The following GLG1 variants were observed in gnomAD, a reference collection of about 807,000 sequenced individuals.
GLG1 encodes golgi glycoprotein 1.
A neutral mutation model predicts 160.5 loss-of-function variants in GLG1; 38 were observed. That is an observed-to-expected ratio of 0.24 (90% CI 0.18 to 0.31). GLG1 has a LOEUF of 0.31. Among genes scored for constraint, GLG1 ranks in the 10% least tolerant of loss-of-function variants. GLG1 has a pLI of 1.00. For synonymous variants in GLG1, 644 were observed against 543.4 expected, an observed-to-expected ratio of 1.19 and a Z score of -2.57; for missense variants, 1,373 against 1,505.2, an observed-to-expected ratio of 0.91 and a Z score of 1.45.
At chr16:74,586,061 T>C (rs1958044354) in intron 1 of GLG1, among the ~76,000 whole-genome samples, 1 of 135,584 alleles carries the variant, frequency 7.4e-6, no homozygotes, top group South Asian at 2.2e-4. Context: ...AGACTCTGTA[T>C]CGGAAAAAAA....
intron 1 of GLG1, among the ~76,000 whole-genome samples, chr16:74,601,555 T>C (rs1298633635): frequency 1.3e-5 from 2 of 152,212 alleles, no homozygotes; most frequent in Admixed American, 1.3e-4. Context: ...TGATGTTCCA[T>C]GGATTCAATA....
chr16:74,598,617 G>T (rs1413702366), intron 1 of GLG1, among the ~76,000 whole-genome samples: 1 of 151,938 alleles, frequency 6.6e-6, no homozygotes, highest in Non-Finnish European at 1.5e-5. Flanking sequence ...ATAAGGCCGG[G>T]CGCGGTGGCT....
At chr16:74,468,088 T>C (rs2143223060) in intron 17 of GLG1, 1 of 419,144 alleles carries the variant, frequency 2.4e-6, no homozygotes, top group Non-Finnish European at 4.2e-6. Flanking sequence ...TATTTAGTCC[T>C]TCACAGGACT....
intron 1 of GLG1, among the ~76,000 whole-genome samples, chr16:74,601,502 T>A (rs979264428): frequency 2.0e-5 from 3 of 152,092 alleles, no homozygotes; most frequent in Non-Finnish European, 2.9e-5. Flanking sequence ...CAGTCATTTG[T>A]TAGTTAATGG....
chr16:74,474,562 G>T lies in GLG1; in HGVS notation c.2036C>A (p.Thr679Asn). Residue 679 changes from threonine (T) to asparagine (N), a missense_variant, in exon 13 of 26, where the codon ACT becomes AAT. Thr to Asn is a moderately conservative substitution (Grantham distance 65). This residue lies in a region of GLG1 where 386 missense variants were observed against 388.5 expected (regional missense o/e 0.99). Coordinates refer to ENST00000422840, the MANE Select transcript of GLG1 (RefSeq NM_001145667.2). ...ACCACTTACCTCTGATTCTAACTCAGTGAGGTTGCCAACTATATCTCTACA... is the reference window on the plus strand; with the variant it reads ...ACCACTTACCTCTGATTCTAACTCATTGAGGTTGCCAACTATATCTCTACA... ...VECRDIVGNL[T>N]ELESEDIQIE... The T allele has an allele frequency of 6.5e-7, 1 of 1,531,366 alleles. No individual in the cohort carries two copies. The highest frequency in any genetic ancestry group is 9.1e-7 in the Non-Finnish European group (1 of 1,104,560). The allele number at this position is 1,531,366 out of a possible 1,614,324, so 94.9% of individuals were successfully genotyped here.
At chr16:74,492,024 A>C (rs1387003412) in intron 7 of GLG1, among the ~76,000 whole-genome samples, 1 of 152,120 alleles carries the variant, frequency 6.6e-6, no homozygotes, top group African/African-American at 2.4e-5. Flanking sequence ...ATTTGAAGCC[A>C]AGTCTGACCC....
intron 2 of GLG1, among the ~76,000 whole-genome samples, chr16:74,529,339 C>T (rs2550816): frequency 0.68 from 103,180 of 151,838 alleles, 35,287 homozygotes; most frequent in East Asian, 0.81. Flanking sequence ...TCTGAAATTA[C>T]ATTTAGTCCA....
intron 7 of GLG1, among the ~76,000 whole-genome samples, chr16:74,491,678 A>T (rs1597260670): frequency 3.2e-5 from 1 of 30,790 alleles, no homozygotes; most frequent in Admixed American, 4.9e-4. Context: ...TCACTGTGTC[A>T]CCCAGGCTGG....
In GLG1 at chr16:74,491,166, G is replaced by A; in HGVS notation, c.1284C>T (p.Arg428=). 1 of 1,614,116 alleles carries A rather than the reference G, an allele frequency of 6.2e-7. No individual in the cohort carries two copies. Among genetic ancestry groups the A allele is most frequent in the South Asian group, 1.1e-5 (1 of 91,078 alleles). Residue 428 remains arginine (R), a synonymous_variant, in exon 8 of 26, where the codon CGC becomes CGT. Coordinates refer to ENST00000422840, the MANE Select transcript of GLG1 (RefSeq NM_001145667.2). ...ECQGEMLDYR[R]MLMEDFSLSP... ...TCAGAGAAAAGTCTTCCATCAACAT[G>A]CGTCGGTAATCCAGCATCTCCCCCT...
intron 1 of GLG1, among the ~76,000 whole-genome samples, chr16:74,551,297 T>A (rs924042892): frequency 2.6e-5 from 4 of 152,060 alleles, no homozygotes; most frequent in Admixed American, 1.3e-4. Context: ...TATCTTATTT[T>A]ATTTATTTAT....
At chr16:74,488,631 A>G (rs1207914852) in intron 8 of GLG1, among the ~76,000 whole-genome samples, 1 of 151,846 alleles carries the variant, frequency 6.6e-6, no homozygotes, top group African/African-American at 2.4e-5. Flanking sequence ...TTAATTTTTT[A>G]TTTTTTGAGG....
intron 1 of GLG1, among the ~76,000 whole-genome samples, chr16:74,533,842 A>G (rs1267550407): frequency 6.6e-6 from 1 of 152,304 alleles, no homozygotes. Flanking sequence ...TATAAAGTGA[A>G]TTCTGTGTGC....
Position 74,449,118 on chromosome 16 carries a change from C to G in GLG1, c.*4049G>C, listed in dbSNP as rs199643675. 2.6e-5 allele frequency: 4 copies of G among 152,078 alleles called. No homozygotes were observed. Among genetic ancestry groups the G allele is most frequent in the Non-Finnish European group, 5.9e-5 (4 of 68,054 alleles). The allele number at this position is 152,078 out of a possible 1,614,324, so 9.4% of individuals were successfully genotyped here. On this transcript the variant is annotated 3_prime_UTR_variant, in exon 26 of 26. Coordinates refer to ENST00000422840, the MANE Select transcript of GLG1 (RefSeq NM_001145667.2). ...CCATCTCAGAAACAAAACAAAAAAC[C>G]AAAAAAGCCATTACGGCCAAAATTT...
At chr16:74,549,854 C>T (rs1205922806) in intron 1 of GLG1, among the ~76,000 whole-genome samples, 1 of 151,922 alleles carries the variant, frequency 6.6e-6, no homozygotes, top group Non-Finnish European at 1.5e-5. Context: ...TGGCTCACGC[C>T]TGTAATCCCA....
chr16:74,498,115 A>T (rs2016264039), intron 4 of GLG1, among the ~76,000 whole-genome samples: 1 of 152,104 alleles, frequency 6.6e-6, no homozygotes, highest in African/African-American at 2.4e-5. Flanking sequence ...AACCACTAAT[A>T]TAGCAAACCA....
intron 22 of GLG1, chr16:74,461,520 G>C (rs1260924197): frequency 1.4e-5 from 2 of 146,418 alleles, no homozygotes; most frequent in African/African-American, 5.1e-5. Flanking sequence ...GCCCAGGCTG[G>C]GGTGCAGTGG....
At chr16:74,460,005 G>C (rs2014721988) in intron 22 of GLG1, among the ~76,000 whole-genome samples, 1 of 148,434 alleles carries the variant, frequency 6.7e-6, no homozygotes, top group South Asian at 2.1e-4. Flanking sequence ...ACAGGCGCGT[G>C]CTACCATGCC....
At chr16:74,493,668 G>C (rs545882984) in intron 6 of GLG1, among the ~76,000 whole-genome samples, 302 of 152,262 alleles carry the variant, frequency 2.0e-3, no homozygotes, top group African/African-American at 6.9e-3. Context: ...TGACAAGATA[G>C]CAAAATTAAT....
chr16:74,493,965 A>C (rs1162421681), intron 6 of GLG1, among the ~76,000 whole-genome samples: 1 of 151,978 alleles, frequency 6.6e-6, no homozygotes, highest in Admixed American at 6.6e-5. Context: ...ACCTGAGGTC[A>C]GGAGTTTGAG....
Sources: allele counts gnomAD v4.1 joint callset (sites outside exome capture counted in the v4.1 genomes callset), GRCh38; gene constraint gnomAD v4.1.1; regional missense constraint gnomAD v4.1.1; transcripts MANE v1.5; gene names NCBI Gene and HGNC (gene_info 2026-07-23, HGNC 2026-07-21).